The following ITPR3 variants were observed in gnomAD, a reference collection of about 807,000 sequenced individuals.
ITPR3 encodes the protein inositol 1,4,5-trisphosphate receptor type 3.
In ITPR3, 173 loss-of-function variants were observed where a neutral mutation model predicts 293.2. The observed-to-expected ratio is 0.59, with a 90% CI of 0.52 to 0.67. The LOEUF (loss-of-function observed/expected upper bound fraction) is 0.67. Ranked by LOEUF, ITPR3 falls within the 30% of genes least tolerant of loss-of-function variation. The probability of loss-of-function intolerance (pLI) is 0.00; values close to 1 mark genes in which losing one functional copy is unlikely to be tolerated. For missense variants in ITPR3, 2,796 were observed against 3,592.1 expected, an observed-to-expected ratio of 0.78 and a Z score of 5.66; for synonymous variants, 1,295 against 1,444.4, an observed-to-expected ratio of 0.90 and a Z score of 2.35.
At chr6:33,681,679 G>T (rs1324339446) in intron 33 of ITPR3, among the ~76,000 whole-genome samples, 1 of 152,186 alleles carries the variant, frequency 6.6e-6, no homozygotes, top group Admixed American at 6.5e-5. Context: ...TAGGAGCTGG[G>T]GTGGGGTGGG....
rs3736893 is a variant in ITPR3 at position 33,671,983 on chromosome 6, G to C, written c.2729-46G>C. The C allele has an allele frequency of 0.68, 1,050,099 of 1,541,314 alleles. 361,218 individuals are homozygous for C. Among genetic ancestry groups the C allele is most frequent in the South Asian group, 0.86 (68,974 of 80,536 alleles). On this transcript the variant is annotated intron_variant, in intron 21 of 57. Coordinates refer to ENST00000605930, the MANE Select transcript of ITPR3 (RefSeq NM_002224.4). ...ATCAGACCAGGGACCCCTGTGTACA[G>C]CCTCTACAACCTCCTTGGCAACCTC...
chr6:33,639,677 G>C (rs866470491), intron 1 of ITPR3, among the ~76,000 whole-genome samples: 4 of 152,090 alleles, frequency 2.6e-5, no homozygotes, highest in South Asian at 2.1e-4. Flanking sequence ...ATGCAGGAAG[G>C]GTGGCTGGAT....
At position 33,687,856 on chromosome 6, in the gene ITPR3, A is replaced by C. The variant is rs1282145580; in HGVS notation, c.6265-201A>C. Among the ~76,000 whole-genome samples, 1 of 152,114 alleles carries C rather than the reference A, an allele frequency of 6.6e-6. No individual in the cohort carries two copies. The highest frequency in any genetic ancestry group is 1.5e-5 in the Non-Finnish European group (1 of 68,008). On this transcript the variant is annotated intron_variant, in intron 46 of 57. Coordinates refer to ENST00000605930, the MANE Select transcript of ITPR3 (RefSeq NM_002224.4). This position sits in a 1 kb window ranked among gnomAD's most constrained non-coding sequence, Gnocchi z 5.3. Reference sequence around the variant, plus strand: ...CGCTATCCTCTGGGATTCTCTGGTCATGGCTCTCCCACTCCCCTCCCTTTG... The same window carrying C: ...CGCTATCCTCTGGGATTCTCTGGTCCTGGCTCTCCCACTCCCCTCCCTTTG...
rs1764598556 is a variant in ITPR3 at position 33,665,970 on chromosome 6, C to A, written c.1545C>A (p.Leu515=). 6.2e-7 allele frequency: 1 copy of A among 1,605,676 alleles called. No individual in the cohort carries two copies. Among genetic ancestry groups the A allele is most frequent in the South Asian group, 1.1e-5 (1 of 89,776 alleles). Residue 515 remains leucine (L), a synonymous_variant, in exon 14 of 58, where the codon CTC becomes CTA. Transcript: ENST00000605930. ...AGCTGATGAGGGAGCAGAACATCCT[C>A]AAACAGGTGCGTGTGCACCCATGAG... is the stretch of plus-strand genomic sequence containing the variant. ...RQKLMREQNI[L]KQVFGILKAP...
rs1008382754 is a variant in ITPR3 at position 33,633,362 on chromosome 6, A to T, written c.90-7122A>T. Among the ~76,000 whole-genome samples, 1 of 152,096 alleles carries T rather than the reference A, an allele frequency of 6.6e-6. No individual in the cohort carries two copies. Among genetic ancestry groups the T allele is most frequent in the South Asian group, 2.1e-4 (1 of 4,832 alleles). ...GGGGGGTGAAGCGAAGCGGCCACTTACCCCTGTAGAGCGCGGCTCTGGTTT... is the reference window on the plus strand; with the variant it reads ...GGGGGGTGAAGCGAAGCGGCCACTTTCCCCTGTAGAGCGCGGCTCTGGTTT... On this transcript the variant is annotated intron_variant, in intron 1 of 57. Transcript: ENST00000605930. The surrounding 1 kb of genome is among the most constrained non-coding windows in gnomAD (Gnocchi z 5.2).
chr6:33,648,066 CTT>C (rs35776559), intron 2 of ITPR3, among the ~76,000 whole-genome samples: 24 of 130,386 alleles, frequency 1.8e-4, no homozygotes, highest in Admixed American at 2.4e-4. Flanking sequence ...ATTTCTTTTT[CTT>C]TTTTTTTTTT....
intron 16 of ITPR3, 40 bp from the exon 17 acceptor site, chr6:33,668,475 T>C (rs1764672323): frequency 4.3e-6 from 7 of 1,613,646 alleles, no homozygotes; most frequent in Non-Finnish European, 5.9e-6. Flanking sequence ...GGGACCAGCC[T>C]CTGAGACCCT....
intron 17 of ITPR3, 141 bp from the exon 18 acceptor site, chr6:33,668,833 A>G (rs1764682117): frequency 8.5e-7 from 1 of 1,177,068 alleles, no homozygotes; most frequent in Non-Finnish European, 1.2e-6. Flanking sequence ...AGAATGAGCC[A>G]CGGACCCTGC....
At chr6:33,657,911 C>T in intron 3 of ITPR3, 21 bp from the exon 4 acceptor site, 8 of 1,611,328 alleles carry the variant, frequency 5.0e-6, no homozygotes, top group Non-Finnish European at 6.8e-6. Context: ...CCACCCTTCA[C>T]TTCTGTGTGT....
rs201400115 is a variant in ITPR3 at position 33,677,611 on chromosome 6, G to A, written c.3630G>A (p.Leu1210=). Residue 1210 remains leucine (L), a synonymous_variant, in exon 28 of 58, where the codon CTG becomes CTA. Transcript: ENST00000605930. ...CCCACAAGGTCATGCTGGACCTGCT[G>A]CAGATCCCCTATGACAAGGTGGCTC... ...MDAHKVMLDL[L]QIPYDKGDAK... is the part of the protein sequence containing the mutation. 1.2e-6 allele frequency: 2 copies of A among 1,613,898 alleles called. No homozygotes were observed. Among genetic ancestry groups the A allele is most frequent in the Non-Finnish European group, 1.7e-6 (2 of 1,179,884 alleles).
rs1391976511 is a variant in ITPR3 at position 33,678,507 on chromosome 6, G to C, written c.3735G>C (p.Leu1245=). ...CAGGGAACCCCGGCAACCAGGCCCT[G>C]CTGCACAAACACCTGCACCTCTTCC... ...FCAGNPGNQA[L]LHKHLHLFLT... The change falls in exon 29 of 58, where the codon CTG becomes CTC. Residue 1245 remains leucine (L), a synonymous_variant. Transcript: ENST00000605930. 1 of 1,613,186 alleles carries C rather than the reference G, an allele frequency of 6.2e-7. No homozygotes were observed. The highest frequency in any genetic ancestry group is 1.3e-5 in the African/African-American group (1 of 74,882).
intron 33 of ITPR3, among the ~76,000 whole-genome samples, chr6:33,681,764 T>C (rs2127300369): frequency 6.6e-6 from 1 of 152,150 alleles, no homozygotes; most frequent in African/African-American, 2.4e-5. Flanking sequence ...TTGACACACA[T>C]TGTTTGGGCC....
In ITPR3 at chr6:33,655,617, G is replaced by A; in HGVS notation, c.161-149G>A. 1.9e-6 allele frequency: 2 copies of A among 1,049,204 alleles called. No homozygotes were observed. Among genetic ancestry groups the A allele is most frequent in the Non-Finnish European group, 2.7e-6 (2 of 730,438 alleles). 65.0% of individuals were successfully genotyped at this position (1,049,204 alleles called of 1,614,324 possible). ...TCCAGGATGCTCCAAATTCTGTGAG[G>A]TTCTTCCAACCGCTTCCTCTCTACC... On this transcript the variant is annotated intron_variant, in intron 2 of 57. Coordinates refer to ENST00000605930, the MANE Select transcript of ITPR3 (RefSeq NM_002224.4). The surrounding 1 kb of genome is among the most constrained non-coding windows in gnomAD (Gnocchi z 4.9).
chr6:33,636,292 A>G (rs185772968), intron 1 of ITPR3, among the ~76,000 whole-genome samples: 2 of 151,460 alleles, frequency 1.3e-5, no homozygotes, highest in Non-Finnish European at 2.9e-5. Flanking sequence ...ACAGAGTAAG[A>G]CTCTGTCTCA....
chr6:33,686,577 ATGTG>A (rs1765237936), intron 43 of ITPR3, 58 bp downstream of exon 43: 11 of 1,302,338 alleles, frequency 8.4e-6, no homozygotes, highest in Non-Finnish European at 1.2e-5. Context: ...GCATGCATGT[ATGTG>A]TGACTTGTGT....
At chr6:33,689,060 G>A (rs938533266) in intron 49 of ITPR3, among the ~76,000 whole-genome samples, 178 bp from the exon 50 acceptor site, 4 of 152,244 alleles carry the variant, frequency 2.6e-5, no homozygotes, top group Admixed American at 6.5e-5. Context: ...AGCCGCAGCC[G>A]GACAGGGCCT....
At chr6:33,634,641 C>T (rs1444650596) in intron 1 of ITPR3, among the ~76,000 whole-genome samples, 3 of 152,132 alleles carry the variant, frequency 2.0e-5, no homozygotes, top group Admixed American at 2.0e-4. Context: ...GCACTCCTTG[C>T]TTTGTGGACT....
rs1765059632 is a variant in ITPR3, at chr6:33,680,956, G to A, written c.4476+276G>A. 2.6e-5 allele frequency among the ~76,000 whole-genome samples: 4 copies of A among 151,978 alleles called. No homozygotes were observed. The South Asian group carries it at 8.3e-4, about 32-fold the overall frequency. ...CTGCCTCAGCCTCCCGAGTAGCTGG[G>A]ACTACAGGTGCCCGCCACCACGCCC... is the stretch of plus-strand genomic sequence containing the variant. On this transcript the variant is annotated intron_variant, in intron 33 of 57. Transcript: ENST00000605930.
At position 33,640,464 on chromosome 6, in the gene ITPR3, C is replaced by T. The variant is rs190839073; in HGVS notation, c.90-20C>T. Reference sequence around the variant, plus strand: ...GATAGGTCTCTTCTCTCCTGCTGACCGAGCTGCTTTGTTCCCCAGGCTGGT... The same window carrying T: ...GATAGGTCTCTTCTCTCCTGCTGACTGAGCTGCTTTGTTCCCCAGGCTGGT... On this transcript the variant is annotated intron_variant, in intron 1 of 57. Transcript: ENST00000605930. 1,293 of 1,610,600 alleles carry T rather than the reference C, an allele frequency of 8.0e-4. 4 individuals are homozygous for T. In the African/African-American group the frequency reaches 9.0e-3, roughly 11 times the overall value.
Sources: gnomAD v4.1 joint callset for allele counts (sites outside exome capture counted in the v4.1 genomes callset) on GRCh38, gnomAD v4.1.1 for gene constraint, Gnocchi (gnomAD v3.1) non-coding constraint, MANE v1.5 for transcripts, NCBI Gene and HGNC (gene_info 2026-07-23, HGNC 2026-07-21) for gene names.